The following SGMS1 variants were observed in gnomAD, a reference collection of about 807,000 sequenced individuals.
SGMS1 encodes the protein phosphatidylcholine:ceramide cholinephosphotransferase 1.
In SGMS1, 13 loss-of-function variants were observed where a neutral mutation model predicts 46.2. That is an observed-to-expected ratio of 0.28 (90% CI 0.18 to 0.45). The LOEUF (loss-of-function observed/expected upper bound fraction) is 0.45, where lower values mean the gene tolerates loss of function less well. SGMS1 is among the 20% of genes least tolerant of loss of function. The pLI, the probability that SGMS1 is intolerant of heterozygous loss-of-function variation, is 1.00. For missense variants in SGMS1, 324 were observed against 519.9 expected, an observed-to-expected ratio of 0.62 and a Z score of 3.66; for synonymous variants, 203 against 187.8, an observed-to-expected ratio of 1.08 and a Z score of -0.66.
At chr10:50,421,822 C>T (rs1222974498) in intron 6 of SGMS1, among the ~76,000 whole-genome samples, 4 of 152,054 alleles carry the variant, frequency 2.6e-5, no homozygotes, top group African/African-American at 9.7e-5. Context: ...CATGCTCATC[C>T]CTGGTGGAGA....
intron 6 of SGMS1, among the ~76,000 whole-genome samples, chr10:50,430,944 C>T (rs1448892018): frequency 6.6e-6 from 1 of 151,886 alleles, no homozygotes; most frequent in African/African-American, 2.4e-5. Flanking sequence ...TAATGCAACG[C>T]TATAAAATTT....
intron 3 of SGMS1, among the ~76,000 whole-genome samples, chr10:50,481,270 C>T (rs1238335134): frequency 1.3e-5 from 2 of 152,210 alleles, no homozygotes; most frequent in Non-Finnish European, 2.9e-5. Context: ...ACACCTTATA[C>T]AGGAGTGTTC....
At chr10:50,576,758 G>A (rs932537939) in intron 2 of SGMS1, among the ~76,000 whole-genome samples, 3 of 152,130 alleles carry the variant, frequency 2.0e-5, no homozygotes, top group African/African-American at 7.2e-5. Flanking sequence ...GTCACCCATT[G>A]CACCACATGT....
intron 3 of SGMS1, among the ~76,000 whole-genome samples, chr10:50,490,450 G>A (rs1837557997): frequency 6.6e-6 from 1 of 152,154 alleles, no homozygotes; most frequent in Non-Finnish European, 1.5e-5. Context: ...TAGTGGGTGG[G>A]TCCAAGGTAG....
At chr10:50,467,660 A>T (rs1329321772) in intron 3 of SGMS1, among the ~76,000 whole-genome samples, 1 of 152,182 alleles carries the variant, frequency 6.6e-6, no homozygotes, top group African/African-American at 2.4e-5. Flanking sequence ...AAAAGTCAAC[A>T]CTGCCCTGCC....
chr10:50,545,320 G>C lies in SGMS1; in HGVS notation c.-588-25399C>G, dbSNP rs78026191. ...AAGTATTTGTGTGTCCCCTGTGCTG[G>C]GTGAGGTGTCAGAGCCAAGGCATTG... On this transcript the variant is annotated intron_variant, in intron 2 of 10. Transcript: ENST00000361781. 5.0e-3 allele frequency among the ~76,000 whole-genome samples: 769 copies of C among 152,332 alleles called. 6 individuals are homozygous for C. Among genetic ancestry groups the C allele is most frequent in the African/African-American group, 0.017 (724 of 41,572 alleles).
At chr10:50,619,133 A>C (rs1215854401) in intron 1 of SGMS1, among the ~76,000 whole-genome samples, 1 of 151,836 alleles carries the variant, frequency 6.6e-6, no homozygotes, top group Non-Finnish European at 1.5e-5. Context: ...ACTCTGTCTC[A>C]AAAAAAAGAA....
At chr10:50,543,080 A>T (rs1838070217) in intron 2 of SGMS1, among the ~76,000 whole-genome samples, 4 of 152,208 alleles carry the variant, frequency 2.6e-5, no homozygotes, top group Admixed American at 6.5e-5. Context: ...AGTACAGGGA[A>T]ATAAAGTTAG....
chr10:50,512,030 G>T (rs1837760464), intron 3 of SGMS1, among the ~76,000 whole-genome samples: 1 of 152,060 alleles, frequency 6.6e-6, no homozygotes, highest in African/African-American at 2.4e-5. Flanking sequence ...TCACATACAA[G>T]GTATGATTTC....
At chr10:50,494,118 G>T (rs1251469160) in intron 3 of SGMS1, among the ~76,000 whole-genome samples, 1 of 152,120 alleles carries the variant, frequency 6.6e-6, no homozygotes, top group Non-Finnish European at 1.5e-5. Context: ...TTATTAAAAA[G>T]TCAAAAAATA....
chr10:50,429,990 C>T (rs184832313), intron 6 of SGMS1, among the ~76,000 whole-genome samples: 8 of 152,238 alleles, frequency 5.3e-5, no homozygotes, highest in Admixed American at 4.6e-4. Flanking sequence ...TTTTCTTTTT[C>T]TAGCCCTAAT....
chr10:50,595,299 G>A (rs1258776383), intron 1 of SGMS1, among the ~76,000 whole-genome samples: 3 of 151,720 alleles, frequency 2.0e-5, no homozygotes, highest in African/African-American at 4.8e-5. Context: ...TCTCAGCCTC[G>A]TGAGTTGCTG....
chr10:50,409,174 T>G (rs954230526), intron 6 of SGMS1, among the ~76,000 whole-genome samples: 1 of 152,194 alleles, frequency 6.6e-6, no homozygotes, highest in Non-Finnish European at 1.5e-5. Flanking sequence ...TTTGCATGCA[T>G]AGACTGTGAT....
intron 1 of SGMS1, among the ~76,000 whole-genome samples, chr10:50,618,972 C>T (rs1355166956): frequency 2.0e-5 from 3 of 151,944 alleles, no homozygotes; most frequent in Non-Finnish European, 4.4e-5. Context: ...AACCACTACC[C>T]TAGGGATATT....
chr10:50,408,509 C>G (rs1849053950), intron 6 of SGMS1, among the ~76,000 whole-genome samples: 1 of 151,610 alleles, frequency 6.6e-6, no homozygotes, highest in South Asian at 2.1e-4. Context: ...CGGTGAAACC[C>G]CATCTCTACT....
intron 6 of SGMS1, among the ~76,000 whole-genome samples, chr10:50,419,005 TA>T (rs1488559980): frequency 6.6e-6 from 1 of 152,232 alleles, no homozygotes. Context: ...CTGAGATTGT[TA>T]AAATTGTTAT....
chr10:50,328,243 C>T, intron 7 of SGMS1: 1 of 237,396 alleles, frequency 4.2e-6, no homozygotes, highest in Non-Finnish European at 8.4e-6. Flanking sequence ...AACATTCTTT[C>T]CCTCTCTACC....
intron 6 of SGMS1, among the ~76,000 whole-genome samples, chr10:50,346,957 C>T (rs1304490833): frequency 6.6e-6 from 1 of 152,146 alleles, no homozygotes. Context: ...TCCCATCTTA[C>T]TCTGGGAGTC....
rs1206831262 is a variant in SGMS1 at position 50,460,744 on chromosome 10, A to C, written c.-384T>G. 1 of 152,360 alleles carries C rather than the reference A, an allele frequency of 6.6e-6. No individual in the cohort carries two copies. Among genetic ancestry groups the C allele is most frequent in the Non-Finnish European group, 1.5e-5 (1 of 68,062 alleles). 9.4% of individuals were successfully genotyped at this position (152,360 alleles called of 1,614,324 possible). A position where few individuals can be genotyped will look rare whatever the true frequency, so the allele number is the denominator to read the frequency against. The stretch of plus-strand genomic sequence containing the variant: ...TATTCTCAGGTACGCTTGCTGAGGC[A>C]GGTTCTCGTCTTCTATTTCATGTTT... On this transcript the variant is annotated 5_prime_UTR_variant, in exon 5 of 11. Coordinates refer to ENST00000361781, the MANE Select transcript of SGMS1 (RefSeq NM_147156.4).
Sources: gnomAD v4.1 joint callset for allele counts (sites outside exome capture counted in the v4.1 genomes callset) on GRCh38, gnomAD v4.1.1 for gene constraint, MANE v1.5 for transcripts, NCBI Gene and HGNC (gene_info 2026-07-23, HGNC 2026-07-21) for gene names.